HCFC2: variants seen among roughly 807,000 people sequenced by gnomAD.
HCFC2 encodes the protein host cell factor C2.
In HCFC2, 18 loss-of-function variants were observed where a neutral mutation model predicts 89.2. The observed-to-expected ratio is 0.20, with a 90% CI of 0.14 to 0.30. HCFC2 has a LOEUF of 0.30. Among genes scored for constraint, HCFC2 ranks in the 10% least tolerant of loss-of-function variants. The pLI is 1.00. For synonymous variants in HCFC2, 308 were observed against 335.7 expected, an observed-to-expected ratio of 0.92 and a Z score of 0.90; for missense variants, 578 against 956.1, an observed-to-expected ratio of 0.60 and a Z score of 5.21.
At chr12:104,088,159 G>A in intron 9 of HCFC2, 121 bp downstream of exon 9, 2 of 472,918 alleles carry the variant, frequency 4.2e-6, no homozygotes, top group Non-Finnish European at 7.4e-6. Flanking sequence ...GCACTTGAGA[G>A]TTATCTCTGA....
chr12:104,067,078 C>A (rs1034515326), intron 2 of HCFC2, among the ~76,000 whole-genome samples: 1 of 152,058 alleles, frequency 6.6e-6, no homozygotes, highest in African/African-American at 2.4e-5. Context: ...CGTGAGCCAC[C>A]GTGCTGTGCC....
chr12:104,102,123 T>G lies in HCFC2; in HGVS notation c.2034T>G (p.Pro678=). 1 of 1,613,808 alleles carries G rather than the reference T, an allele frequency of 6.2e-7. No homozygotes were observed. Among genetic ancestry groups the G allele is most frequent in the Non-Finnish European group, 8.5e-7 (1 of 1,179,838 alleles). Reference sequence around the variant, plus strand: ...TTAAAACTTGTATTCCTGGTTTTCCTGGAGCTCCTTCTGCAGTCAGAATTT... The same window carrying G: ...TTAAAACTTGTATTCCTGGTTTTCCGGGAGCTCCTTCTGCAGTCAGAATTT... ...SEFKTCIPGF[P]GAPSAVRISK... Residue 678 remains proline, a synonymous_variant, in exon 14 of 15, where the codon CCT becomes CCG. Transcript: ENST00000229330.
chr12:104,093,220 A>G (rs1176256074), intron 9 of HCFC2, among the ~76,000 whole-genome samples, 166 bp from the exon 10 acceptor site: 1 of 152,234 alleles, frequency 6.6e-6, no homozygotes, highest in Non-Finnish European at 1.5e-5. Flanking sequence ...CTTAGAAACT[A>G]TTATAAAATT....
chr12:104,069,062 T>G (rs1323124273), intron 3 of HCFC2, among the ~76,000 whole-genome samples: 1 of 152,132 alleles, frequency 6.6e-6, no homozygotes, highest in East Asian at 1.9e-4. Context: ...TCCCAGCACT[T>G]TGGGAAGCCG....
chr12:104,070,337 C>CT (rs1566224750), intron 3 of HCFC2, among the ~76,000 whole-genome samples: 2 of 152,200 alleles, frequency 1.3e-5, no homozygotes, highest in South Asian at 4.2e-4. Flanking sequence ...CAAATTTATT[C>CT]TTTTTTATGG....
chr12:104,067,985 C>G lies in HCFC2; in HGVS notation c.351C>G (p.Pro117=), dbSNP rs1593588546. 1.2e-6 allele frequency: 2 copies of G among 1,605,636 alleles called. No individual in the cohort carries two copies. The highest frequency in any genetic ancestry group is 1.7e-6 in the Non-Finnish European group (2 of 1,177,084). Residue 117 remains proline, a synonymous_variant, in exon 3 of 15, where the codon CCC becomes CCG. Transcript: ENST00000229330. ...RWLWKKVKPH[P]PPSGLPPCPR... ...TATGGAAAAAAGTGAAACCCCATCC[C>G]CCTCCTTCTGGTTTACCTCCTTGTC...
intron 13 of HCFC2, 76 bp downstream of exon 13, chr12:104,098,556 G>T: frequency 7.2e-7 from 1 of 1,385,946 alleles, no homozygotes; most frequent in Non-Finnish European, 9.7e-7. Flanking sequence ...ATAACTTAGG[G>T]AAAGGAAAAA....
At chr12:104,066,888 A>C (rs1883166809) in intron 2 of HCFC2, among the ~76,000 whole-genome samples, 1 of 152,226 alleles carries the variant, frequency 6.6e-6, no homozygotes, top group African/African-American at 2.4e-5. Context: ...CCTGGGTTCA[A>C]GCAATTCTCC....
intron 3 of HCFC2, among the ~76,000 whole-genome samples, chr12:104,077,846 G>A (rs1883553959): frequency 6.6e-6 from 1 of 151,550 alleles, no homozygotes; most frequent in Non-Finnish European, 1.5e-5. Flanking sequence ...TCTTATTCCA[G>A]GTTATGATAA....
intron 3 of HCFC2, among the ~76,000 whole-genome samples, chr12:104,077,895 G>T (rs1883556395): frequency 6.6e-6 from 1 of 151,898 alleles, no homozygotes; most frequent in Admixed American, 6.6e-5. Context: ...CTTCTTAGTG[G>T]TTATTTAGAT....
chr12:104,065,699 G>A (rs1262747167), intron 1 of HCFC2, among the ~76,000 whole-genome samples: 1 of 152,118 alleles, frequency 6.6e-6, no homozygotes, highest in African/African-American at 2.4e-5. Context: ...CCTGGCTTTG[G>A]AACAAATTAG....
intron 12 of HCFC2, 82 bp from the exon 13 acceptor site, chr12:104,098,261 T>C: frequency 9.5e-7 from 1 of 1,052,804 alleles, no homozygotes; most frequent in South Asian, 1.8e-5. Flanking sequence ...TACTTGTAGA[T>C]CACTGCATGG....
intron 8 of HCFC2, among the ~76,000 whole-genome samples, chr12:104,087,467 A>ATATATATATATATG (rs1566232412): frequency 2.9e-3 from 2 of 696 alleles, no homozygotes; most frequent in Non-Finnish European, 0.056. Flanking sequence ...ATATATATAC[A>ATATATATATATATG]TATATATATA....
At chr12:104,079,678 A>G (rs1342626025) in intron 4 of HCFC2, 25 bp downstream of exon 4, 1 of 1,535,544 alleles carries the variant, frequency 6.5e-7, no homozygotes, top group Non-Finnish European at 9.0e-7. Context: ...ATTCAGGCTC[A>G]GGAATAGGGC....
chr12:104,070,769 T>A lies in HCFC2; in HGVS notation c.473+2662T>A, dbSNP rs976506449. On this transcript the variant is annotated intron_variant, in intron 3 of 14. Transcript: ENST00000229330. ...GGAAACTACAGAAAAGGAAAAAAAA[T>A]TATCCCACCACAGTAATCCGGATAC... 3.3e-5 allele frequency among the ~76,000 whole-genome samples: 5 copies of A among 151,862 alleles called. No homozygotes were observed. The East Asian group carries it at 7.7e-4, about 23-fold the overall frequency.
chr12:104,080,564 T>C (rs1473972099), intron 4 of HCFC2, 182 bp from the exon 5 acceptor site: 4 of 427,490 alleles, frequency 9.4e-6, no homozygotes, highest in East Asian at 4.4e-5. Context: ...ACATTAAGTG[T>C]AAATAAATTT....
In HCFC2 at chr12:104,095,451, C is replaced by T; in HGVS notation, c.1554C>T (p.Ser518=). 1 of 1,613,606 alleles carries T rather than the reference C, an allele frequency of 6.2e-7. No homozygotes were observed. The highest frequency in any genetic ancestry group is 8.5e-7 in the Non-Finnish European group (1 of 1,179,682). ...IPETSVSSTV[S]STQTMVTQQT... Reference sequence around the variant, plus strand: ...AAACATCTGTATCCAGTACTGTTTCCAGCACACAAACTATGGTAACCCAGC... The same window carrying T: ...AAACATCTGTATCCAGTACTGTTTCTAGCACACAAACTATGGTAACCCAGC... The change falls in exon 11 of 15, where the codon TCC becomes TCT. Residue 518 remains serine (S), a synonymous_variant. Transcript: ENST00000229330. This position sits in a 1 kb window ranked among gnomAD's most constrained non-coding sequence, Gnocchi z 4.2.
chr12:104,087,204 A>G (rs1195957027), intron 8 of HCFC2, among the ~76,000 whole-genome samples, 190 bp downstream of exon 8: 1 of 151,804 alleles, frequency 6.6e-6, no homozygotes, highest in Non-Finnish European at 1.5e-5. Context: ...AAAATGCAAA[A>G]ATTAGCGGGT....
chr12:104,099,161 T>C (rs78481292), intron 13 of HCFC2, among the ~76,000 whole-genome samples: 8,375 of 152,154 alleles, frequency 0.055, 262 homozygotes, highest in South Asian at 0.11. Flanking sequence ...TTACATGGCA[T>C]GAACAGGAGC....
Sources: gnomAD v4.1 joint callset for allele counts (sites outside exome capture counted in the v4.1 genomes callset) on GRCh38, gnomAD v4.1.1 for gene constraint, Gnocchi (gnomAD v3.1) non-coding constraint, MANE v1.5 for transcripts, NCBI Gene and HGNC (gene_info 2026-07-23, HGNC 2026-07-21) for gene names.